Variants in ASAP3 observed in about 807,000 individuals in gnomAD.
ASAP3 encodes arf-GAP with SH3 domain, ANK repeat and PH domain-containing protein 3.
A neutral mutation model predicts 118.2 loss-of-function variants in ASAP3; 85 were observed. The observed-to-expected ratio is 0.72, with a 90% confidence interval of 0.60 to 0.86. The LOEUF is 0.86. Ranked by LOEUF, ASAP3 falls within the 40% of genes least tolerant of loss-of-function variation. The pLI is 0.00. For missense variants in ASAP3, 1,026 were observed against 1,175.0 expected, an observed-to-expected ratio of 0.87 and a Z score of 1.85; for synonymous variants, 432 against 477.4, an observed-to-expected ratio of 0.90 and a Z score of 1.24.
chr1:23,466,300 T>C (rs1226309426), intron 1 of ASAP3, among the ~76,000 whole-genome samples: 1 of 152,230 alleles, frequency 6.6e-6, no homozygotes, highest in Non-Finnish European at 1.5e-5. Context: ...TGGATTAGAA[T>C]GGACAGCTAT....
chr1:23,459,280 A>C (rs757549062), intron 1 of ASAP3, among the ~76,000 whole-genome samples: 1 of 152,036 alleles, frequency 6.6e-6, no homozygotes, highest in Non-Finnish European at 1.5e-5. Flanking sequence ...ATAAATGTTT[A>C]CCTAAATGAA....
At position 23,431,916 on chromosome 1, in the gene ASAP3, G is replaced by A. The variant is rs768226542; in HGVS notation, c.2326C>T (p.Arg776Cys). The A allele has an allele frequency of 5.2e-5, 84 of 1,613,126 alleles. No individual in the cohort carries two copies. The South Asian group carries it at 7.5e-4, about 14-fold the overall frequency. Reference sequence around the variant, plus strand: ...GAACTCAGGCTGGAGACTTCAGAACGATCTGGAATCAGAAACATCAGAAAT... The same window carrying A: ...GAACTCAGGCTGGAGACTTCAGAACAATCTGGAATCAGAAACATCAGAAAT... ...QGCARHASGD[R>C]SEVSSLSSEA... Residue 776 changes from arginine to cysteine, a missense_variant and splice_region_variant, in exon 23 of 25, where the codon CGT becomes TGT. By Grantham distance (180) the Arg-to-Cys change is radical (BLOSUM62 -3). Transcript: ENST00000336689.
intron 19 of ASAP3, 89 bp from the exon 20 acceptor site, chr1:23,433,782 AT>A: frequency 6.5e-7 from 1 of 1,534,166 alleles, no homozygotes; most frequent in Non-Finnish European, 8.9e-7. Context: ...ATCAGAATGT[AT>A]GGGTTTGAAT....
Position 23,433,103 on chromosome 1 carries a change from T to G in ASAP3, c.2297A>C (p.Gln766Pro), listed in dbSNP as rs1446542381. ...TCCACTGGCATGTCTTGCACACCCTTGGACCAAAGTCCGAGAAGAGTTTTT... is the reference window on the plus strand; with the variant it reads ...TCCACTGGCATGTCTTGCACACCCTGGGACCAAAGTCCGAGAAGAGTTTTT... Reference protein sequence around the residue: ...PVKNSSRTLVQGCARHASGDR... With the variant: ...PVKNSSRTLVPGCARHASGDR... The change falls in exon 22 of 25, where the codon CAA (glutamine) becomes CCA (proline). Residue 766 changes from glutamine (Q) to proline (P), a missense_variant. Coordinates refer to ENST00000336689, the MANE Select transcript of ASAP3 (RefSeq NM_017707.4). 2 of 1,614,018 alleles carry G rather than the reference T, an allele frequency of 1.2e-6. No individual in the cohort carries two copies. The highest frequency in any genetic ancestry group is 8.5e-7 in the Non-Finnish European group (1 of 1,180,022).
intron 1 of ASAP3, among the ~76,000 whole-genome samples, chr1:23,461,755 C>T (rs544435097): frequency 7.9e-5 from 12 of 151,962 alleles, no homozygotes; most frequent in East Asian, 1.9e-4. Context: ...AATGTGCTGG[C>T]GATGTCTAGA....
intron 1 of ASAP3, among the ~76,000 whole-genome samples, chr1:23,474,503 G>A (rs973693954): frequency 1.3e-5 from 2 of 151,956 alleles, no homozygotes; most frequent in African/African-American, 4.8e-5. Context: ...TCTTGATACC[G>A]AGGGTCCCCA....
rs1640905011 is a variant in ASAP3, at chr1:23,442,415, G to C, written c.585+86C>G. On this transcript the variant is annotated intron_variant, in intron 6 of 24. Coordinates refer to ENST00000336689, the MANE Select transcript of ASAP3 (RefSeq NM_017707.4). ...CCACAGGGCCATGTGGCCAGGACCT[G>C]AGCTGAGGCTGTGACTGGTCCCCTG... 12 of 1,595,524 alleles carry C rather than the reference G, an allele frequency of 7.5e-6. No individual in the cohort carries two copies. The South Asian group carries it at 1.1e-4, about 15-fold the overall frequency.
intron 1 of ASAP3, among the ~76,000 whole-genome samples, chr1:23,464,092 T>C (rs949442969): frequency 1.3e-5 from 2 of 151,014 alleles, no homozygotes; most frequent in Non-Finnish European, 2.9e-5. Context: ...CCCAGCACTT[T>C]GGGAGGCCAA....
chr1:23,479,295 A>G (rs1209054597), intron 1 of ASAP3, among the ~76,000 whole-genome samples: 1 of 152,174 alleles, frequency 6.6e-6, no homozygotes, highest in Non-Finnish European at 1.5e-5. Flanking sequence ...GGCAGGAGAG[A>G]ACAAGAATGA....
rs982791365 is a variant in ASAP3 at position 23,431,263 on chromosome 1, A to G, written c.2547-138T>C. ...TCCACAAGGCCCCCAGGCCAGGTCC[A>G]TCACAGGCCCAAGAAGGCTGGAACT... On this transcript the variant is annotated intron_variant, in intron 23 of 24. Transcript: ENST00000336689. The G allele has an allele frequency of 6.1e-6, 5 of 815,266 alleles. No homozygotes were observed. The African/African-American group carries it at 6.9e-5, about 11-fold the overall frequency. The allele number at this position is 815,266 out of a possible 1,614,324, so 50.5% of individuals were successfully genotyped here.
chr1:23,439,518 A>C (rs1487006721), intron 10 of ASAP3, among the ~76,000 whole-genome samples: 1 of 152,100 alleles, frequency 6.6e-6, no homozygotes, highest in African/African-American at 2.4e-5. Context: ...GCCCTCTGAG[A>C]GCTCCCAGTC....
chr1:23,471,767 C>T (rs937169283), intron 1 of ASAP3, among the ~76,000 whole-genome samples: 1 of 152,174 alleles, frequency 6.6e-6, no homozygotes, highest in Non-Finnish European at 1.5e-5. Context: ...CGTGGCCCAG[C>T]ATAATACACA....
rs567700246 is a variant in ASAP3 at position 23,436,469 on chromosome 1, G to T, written c.1571+91C>A. 7.6e-6 allele frequency: 11 copies of T among 1,454,654 alleles called. No homozygotes were observed. The highest frequency in any genetic ancestry group is 5.6e-5 in the African/African-American group (4 of 71,584). 90.1% of individuals were successfully genotyped at this position (1,454,654 alleles called of 1,614,324 possible). A position where few individuals can be genotyped will look rare whatever the true frequency, so the allele number is the denominator to read the frequency against. ...TGAGCCACTGCGCCCAGCCTCCCCA[G>T]ACTTCTGATCCAAGACTTTTCTACG... On this transcript the variant is annotated intron_variant, in intron 16 of 24. Transcript: ENST00000336689. The surrounding 1 kb of genome is among the most constrained non-coding windows in gnomAD (Gnocchi z 4.2).
In ASAP3 at chr1:23,434,586, G is replaced by A. The variant is rs770744988; in HGVS notation, c.1782C>T (p.Val594=). 5.0e-6 allele frequency: 8 copies of A among 1,614,094 alleles called. No individual in the cohort carries two copies. The South Asian group carries it at 8.8e-5, about 18-fold the overall frequency. ...APEELVLHLA[V]KVANQASLPL... ...GCAGGGAAGCCTGGTTGGCGACTTT[G>A]ACAGCCAAATGCAAGACGAGTTCTT... is the stretch of plus-strand genomic sequence containing the variant. Residue 594 remains valine (V), a synonymous_variant, in exon 18 of 25, where the codon GTC becomes GTT. Coordinates refer to ENST00000336689, the MANE Select transcript of ASAP3 (RefSeq NM_017707.4).
chr1:23,471,613 A>C (rs1641963485), intron 1 of ASAP3, among the ~76,000 whole-genome samples: 1 of 152,230 alleles, frequency 6.6e-6, no homozygotes, highest in South Asian at 2.1e-4. Flanking sequence ...ATACTGTCCT[A>C]AAGTCCAAAT....
intron 1 of ASAP3, among the ~76,000 whole-genome samples, chr1:23,469,266 A>G (rs1458045030): frequency 6.6e-6 from 1 of 152,164 alleles, no homozygotes; most frequent in East Asian, 1.9e-4. Context: ...TGATTGCACC[A>G]CTGCACTCCA....
chr1:23,470,905 T>C (rs1220225457), intron 1 of ASAP3, among the ~76,000 whole-genome samples: 1 of 152,186 alleles, frequency 6.6e-6, no homozygotes, highest in Non-Finnish European at 1.5e-5. Flanking sequence ...AGGAGATTGC[T>C]TGGCGGTGAT....
chr1:23,445,369 T>C (rs1026779326), intron 5 of ASAP3, among the ~76,000 whole-genome samples: 5 of 152,108 alleles, frequency 3.3e-5, no homozygotes, highest in African/African-American at 9.7e-5. Flanking sequence ...TGTGTGCCTA[T>C]AGTCCCAGCT....
intron 5 of ASAP3, among the ~76,000 whole-genome samples, chr1:23,450,889 T>C (rs543601530): frequency 6.6e-6 from 1 of 152,184 alleles, no homozygotes; most frequent in Admixed American, 6.5e-5. Flanking sequence ...CCAGGAGGAA[T>C]TGGCCACTGG....
Sources: gnomAD v4.1 joint callset for allele counts (sites outside exome capture counted in the v4.1 genomes callset) on GRCh38, gnomAD v4.1.1 for gene constraint, Gnocchi (gnomAD v3.1) non-coding constraint, MANE v1.5 for transcripts, NCBI Gene and HGNC (gene_info 2026-07-23, HGNC 2026-07-21) for gene names.